The following STIM1 variants were observed in gnomAD, a reference collection of about 807,000 sequenced individuals.
The protein encoded by STIM1 is stromal interaction molecule 1.
A neutral mutation model predicts 74.7 loss-of-function variants in STIM1; 25 were observed. That is an observed-to-expected ratio of 0.33 (90% CI 0.24 to 0.47). STIM1 has a LOEUF of 0.47. Ranked by LOEUF, STIM1 falls within the 20% of genes least tolerant of loss-of-function variation. STIM1 has a pLI of 1.00. For synonymous variants in STIM1, 328 were observed against 348.8 expected, an observed-to-expected ratio of 0.94 and a Z score of 0.66; for missense variants, 728 against 920.8, an observed-to-expected ratio of 0.79 and a Z score of 2.71.
At chr11:3,954,362 A>C (rs1168073528) in intron 1 of STIM1, among the ~76,000 whole-genome samples, 1 of 152,106 alleles carries the variant, frequency 6.6e-6, no homozygotes, top group East Asian at 1.9e-4. Flanking sequence ...TTGTTCGTTC[A>C]ACAAATGTTC....
At chr11:3,900,907 G>C (rs4598668) in intron 1 of STIM1, among the ~76,000 whole-genome samples, 52,456 of 152,100 alleles carry the variant, frequency 0.34, 9,243 homozygotes, top group South Asian at 0.48. Context: ...AATGAGTGTA[G>C]TGGCTAGGCA....
intron 1 of STIM1, among the ~76,000 whole-genome samples, chr11:3,908,566 C>T (rs568162812): frequency 3.0e-4 from 45 of 148,864 alleles, no homozygotes; most frequent in African/African-American, 1.1e-3. Flanking sequence ...AAGCTGAGAT[C>T]GAGCCACTGC....
chr11:3,961,350 A>G, intron 1 of STIM1: 1 of 243,214 alleles, frequency 4.1e-6, no homozygotes, highest in Non-Finnish European at 8.9e-6. Flanking sequence ...CAGATGAGGA[A>G]GGACTGAAAC....
intron 3 of STIM1, among the ~76,000 whole-genome samples, chr11:4,043,746 G>A (rs2094167245): frequency 1.3e-5 from 2 of 152,270 alleles, no homozygotes; most frequent in African/African-American, 2.4e-5. Context: ...GCTGGGCGTG[G>A]TGGCTCATGC....
At chr11:3,891,239 T>C (rs2091885628) in intron 1 of STIM1, among the ~76,000 whole-genome samples, 1 of 152,112 alleles carries the variant, frequency 6.6e-6, no homozygotes, top group African/African-American at 2.4e-5. Flanking sequence ...AATTTCATGT[T>C]CTAATTCCAA....
chr11:3,870,346 C>T (rs1293931259), intron 1 of STIM1, among the ~76,000 whole-genome samples: 1 of 152,146 alleles, frequency 6.6e-6, no homozygotes, highest in Non-Finnish European at 1.5e-5. Flanking sequence ...CCAGATCTTG[C>T]CAGTTTTCTG....
chr11:4,091,532 G>A lies in STIM1; in HGVS notation c.1885G>A (p.Glu629Lys), dbSNP rs2094525182. 1.2e-6 allele frequency: 2 copies of A among 1,614,170 alleles called. No individual in the cohort carries two copies. Among genetic ancestry groups the A allele is most frequent in the South Asian group, 1.1e-5 (1 of 91,080 alleles). Reference protein sequence around the residue: ...HGLDKAHSLMELSPSAPPGGS... With the variant: ...HGLDKAHSLMKLSPSAPPGGS... The stretch of plus-strand genomic sequence containing the variant: ...GCTGGACAAGGCCCACAGCCTGATG[G>A]AGCTGAGCCCCTCAGCCCCACCTGG... Residue 629 changes from glutamate to lysine, a missense_variant, in exon 13 of 13, where the codon GAG becomes AAG. By Grantham distance (56) the Glu-to-Lys change is moderately conservative (BLOSUM62 1). Transcript: ENST00000526596.
At chr11:3,906,698 G>A (rs145073707) in intron 1 of STIM1, among the ~76,000 whole-genome samples, 20 of 152,164 alleles carry the variant, frequency 1.3e-4, no homozygotes, top group African/African-American at 4.6e-4. Flanking sequence ...TGGTCCCTTA[G>A]GCTATAAGCT....
intron 2 of STIM1, among the ~76,000 whole-genome samples, chr11:4,021,796 A>T (rs1283531952): frequency 1.3e-5 from 2 of 152,130 alleles, no homozygotes; most frequent in Non-Finnish European, 2.9e-5. Flanking sequence ...TAACAATATT[A>T]ATTCTTCCAA....
chr11:4,006,708 C>T (rs1346618793), intron 2 of STIM1, among the ~76,000 whole-genome samples: 1 of 152,142 alleles, frequency 6.6e-6, no homozygotes, highest in Admixed American at 6.5e-5. Context: ...GCCACTGTGC[C>T]CAGCCACAGG....
chr11:3,965,420 T>C (rs1214776739), intron 1 of STIM1, among the ~76,000 whole-genome samples: 2 of 152,256 alleles, frequency 1.3e-5, no homozygotes, highest in Non-Finnish European at 2.9e-5. Flanking sequence ...TTCATGTTTT[T>C]ATGCCCCATG....
intron 1 of STIM1, among the ~76,000 whole-genome samples, chr11:3,907,522 C>A (rs10742189): frequency 0.48 from 72,779 of 152,062 alleles, 17,918 homozygotes; most frequent in East Asian, 0.6. Context: ...CCCTGATCCA[C>A]GTTACCATCG....
At chr11:3,884,362 C>T (rs12294167) in intron 1 of STIM1, among the ~76,000 whole-genome samples, 5 of 152,062 alleles carry the variant, frequency 3.3e-5, no homozygotes, top group African/African-American at 1.2e-4. Flanking sequence ...TTTGGCTTTC[C>T]CTTTCCCAAG....
intron 1 of STIM1, among the ~76,000 whole-genome samples, chr11:3,912,131 C>T (rs1590557826): frequency 2.1e-5 from 3 of 140,786 alleles, no homozygotes; most frequent in Admixed American, 7.1e-5. Context: ...AACCTTCTCC[C>T]CTCCCATCCC....
At chr11:3,975,049 G>A (rs757417411) in intron 2 of STIM1, among the ~76,000 whole-genome samples, 1 of 152,144 alleles carries the variant, frequency 6.6e-6, no homozygotes, top group Non-Finnish European at 1.5e-5. Flanking sequence ...GAAGGCTAGG[G>A]ATTCCACAGT....
At chr11:3,870,805 C>A (rs1350896900) in intron 1 of STIM1, among the ~76,000 whole-genome samples, 1 of 151,474 alleles carries the variant, frequency 6.6e-6, no homozygotes, top group South Asian at 2.1e-4. Flanking sequence ...GCTACATCTC[C>A]GATTTTCTAG....
intron 5 of STIM1, among the ~76,000 whole-genome samples, chr11:4,068,750 C>G (rs759659460): frequency 4.6e-5 from 7 of 152,162 alleles, no homozygotes; most frequent in African/African-American, 7.2e-5. Context: ...GTCTTTGATC[C>G]CATCTCATCC....
intron 1 of STIM1, among the ~76,000 whole-genome samples, chr11:3,950,966 T>C (rs1389305682): frequency 1.3e-5 from 2 of 152,072 alleles, no homozygotes; most frequent in Non-Finnish European, 2.9e-5. Context: ...CACTGCTTGG[T>C]AGAGGATGAG....
intron 3 of STIM1, among the ~76,000 whole-genome samples, chr11:4,032,951 G>A (rs1432320587): frequency 6.6e-6 from 1 of 152,128 alleles, no homozygotes; most frequent in East Asian, 1.9e-4. Context: ...GTCCTGAATG[G>A]TAATGCCTAG....
Sources: gnomAD v4.1 joint callset for allele counts (sites outside exome capture counted in the v4.1 genomes callset) on GRCh38, gnomAD v4.1.1 for gene constraint, MANE v1.5 for transcripts, NCBI Gene and HGNC (gene_info 2026-07-23, HGNC 2026-07-21) for gene names.